Variants in TFEC observed in about 807,000 individuals in gnomAD.
The protein encoded by TFEC is class E basic helix-loop-helix protein 34.
TFEC carries 31 observed loss-of-function variants against 41.6 expected under a neutral mutation model. The observed-to-expected ratio is 0.74, with a 90% CI of 0.56 to 1.01. The LOEUF (loss-of-function observed/expected upper bound fraction) is 1.01. Ranked by LOEUF, TFEC falls within the 50% of genes least tolerant of loss-of-function variation. The pLI, the probability that TFEC is intolerant of heterozygous loss-of-function variation, is 0.00. For missense variants in TFEC, 402 were observed against 404.1 expected (o/e 0.99, Z 0.04); for synonymous variants, 143 against 140.6 (o/e 1.02, Z -0.12).
chr7:115,987,464 A>G (rs939259729), intron 1 of TFEC, among the ~76,000 whole-genome samples: 3 of 152,196 alleles, frequency 2.0e-5, no homozygotes, highest in Admixed American at 1.3e-4. Flanking sequence ...GGGATAAAGT[A>G]AATGAAATTA....
At chr7:116,017,938 A>C (rs1795255514) in intron 1 of TFEC, among the ~76,000 whole-genome samples, 2 of 152,162 alleles carry the variant, frequency 1.3e-5, no homozygotes, top group South Asian at 4.1e-4. Context: ...GCTTTAGGAC[A>C]AGCAATTTGT....
chr7:116,154,696 G>C (rs948060348), intron 1 of TFEC, among the ~76,000 whole-genome samples: 2 of 151,990 alleles, frequency 1.3e-5, no homozygotes, highest in Non-Finnish European at 2.9e-5. Flanking sequence ...TTTCTCCCAG[G>C]TTCTGTTTTA....
intron 4 of TFEC, among the ~76,000 whole-genome samples, chr7:115,956,304 TTTCTC>T (rs1792223586): frequency 6.7e-6 from 1 of 150,242 alleles, no homozygotes; most frequent in Admixed American, 6.6e-5. Flanking sequence ...AATAGACTAA[TTTCTC>T]TAATTTATTA....
chr7:116,105,176 C>CA (rs1282780610), intron 3 of TFEC, among the ~76,000 whole-genome samples: 1 of 151,542 alleles, frequency 6.6e-6, no homozygotes, highest in African/African-American at 2.4e-5. Flanking sequence ...ATGTTTTCTC[C>CA]AAAAAAAATT....
intron 3 of TFEC, among the ~76,000 whole-genome samples, chr7:115,959,549 A>C (rs1792419614): frequency 6.7e-6 from 1 of 150,218 alleles, no homozygotes; most frequent in Non-Finnish European, 1.5e-5. Context: ...TTTGAGGAAA[A>C]TGACTATTTC....
chr7:116,051,541 C>G (rs978119327), intron 3 of TFEC, among the ~76,000 whole-genome samples: 4 of 152,172 alleles, frequency 2.6e-5, no homozygotes, highest in African/African-American at 9.7e-5. Context: ...AAGAATTGTT[C>G]TGCCACAGAA....
chr7:116,114,469 G>A (rs1392649612), intron 1 of TFEC, among the ~76,000 whole-genome samples: 1 of 152,118 alleles, frequency 6.6e-6, no homozygotes, highest in East Asian at 1.9e-4. Flanking sequence ...AATTTGCAAA[G>A]GGCAAGCGTA....
chr7:116,117,883 T>C lies in TFEC; in HGVS notation c.-68-5845A>G, dbSNP rs187294370. The stretch of plus-strand genomic sequence containing the variant: ...CAAGATTCTGTATAGGCAAGAACAT[T>C]GCTCTAAAATATGGTAAATTTCCTT... On this transcript the variant is annotated intron_variant, in intron 1 of 8. Coordinates refer to the TFEC transcript ENST00000484212. Among the ~76,000 whole-genome samples the C allele has an allele frequency of 1.6e-4, 24 of 151,986 alleles. 1 individual carries two copies. In the East Asian group the frequency reaches 4.5e-3, roughly 28 times the overall value.
intron 3 of TFEC, among the ~76,000 whole-genome samples, chr7:116,109,170 C>A (rs1193055773): frequency 6.6e-6 from 1 of 151,866 alleles, no homozygotes; most frequent in African/African-American, 2.4e-5. Flanking sequence ...TGGGCAAGGA[C>A]TTCATGTCTA....
chr7:115,976,896 G>A (rs1024737007), intron 2 of TFEC, among the ~76,000 whole-genome samples: 1 of 152,108 alleles, frequency 6.6e-6, no homozygotes, highest in Non-Finnish European at 1.5e-5. Context: ...TTTTCATGTT[G>A]ACTATAAAGC....
At chr7:116,094,769 T>C (rs898543791) in intron 3 of TFEC, among the ~76,000 whole-genome samples, 1 of 152,138 alleles carries the variant, frequency 6.6e-6, no homozygotes, top group Non-Finnish European at 1.5e-5. Context: ...TTACAGATGG[T>C]CCAACTTACA....
At chr7:116,009,526 T>C (rs767651138) in intron 1 of TFEC, among the ~76,000 whole-genome samples, 2 of 152,102 alleles carry the variant, frequency 1.3e-5, no homozygotes. Flanking sequence ...TCTGGAGATA[T>C]AATGAAACAA....
At chr7:116,046,562 T>G (rs566891380) in intron 3 of TFEC, among the ~76,000 whole-genome samples, 3 of 152,126 alleles carry the variant, frequency 2.0e-5, no homozygotes, top group Non-Finnish European at 2.9e-5. Context: ...TTATCAACAG[T>G]GTGAAAATGA....
intron 3 of TFEC, among the ~76,000 whole-genome samples, chr7:116,063,853 C>T (rs1411522584): frequency 6.6e-6 from 1 of 152,100 alleles, no homozygotes; most frequent in African/African-American, 2.4e-5. Flanking sequence ...CATTGATGGA[C>T]ACTTAGGTTG....
At chr7:116,077,321 C>T (rs949999898) in intron 3 of TFEC, among the ~76,000 whole-genome samples, 24 of 151,974 alleles carry the variant, frequency 1.6e-4, no homozygotes, top group Non-Finnish European at 2.4e-4. Context: ...AAAATAGAAC[C>T]TCCTTAAATC....
At chr7:116,098,323 C>G (rs1367177498) in intron 3 of TFEC, among the ~76,000 whole-genome samples, 1 of 152,038 alleles carries the variant, frequency 6.6e-6, no homozygotes, top group South Asian at 2.1e-4. Flanking sequence ...CCACGCCCAG[C>G]TAATTTTTCT....
intron 1 of TFEC, among the ~76,000 whole-genome samples, chr7:116,027,864 C>T (rs975065289): frequency 3.3e-5 from 5 of 152,150 alleles, no homozygotes; most frequent in African/African-American, 1.2e-4. Flanking sequence ...ACGTCCTAGA[C>T]TCTCCTTTCA....
intron 3 of TFEC, among the ~76,000 whole-genome samples, chr7:116,039,289 A>G (rs900875946): frequency 2.6e-5 from 4 of 152,116 alleles, no homozygotes; most frequent in East Asian, 3.8e-4. Flanking sequence ...CCATTTTACT[A>G]TAAGTACAAA....
At position 115,956,247 on chromosome 7, in the gene TFEC, G is replaced by GA. The variant is rs959502590; in HGVS notation, c.382+431dup. ...TGAAATCCATAAAACAAGCTAAAAA[G>GA]AAAAAAAAATCCAATATTTGTTTTT... On this transcript the variant is annotated intron_variant, in intron 4 of 7. Coordinates refer to ENST00000265440, the MANE Select transcript of TFEC (RefSeq NM_012252.4). Among the ~76,000 whole-genome samples the GA allele has an allele frequency of 1.8e-4, 27 of 149,666 alleles. No individual in the cohort carries two copies. In the East Asian group the frequency reaches 2.2e-3, roughly 12 times the overall value.
Sources: allele counts gnomAD v4.1 joint callset (sites outside exome capture counted in the v4.1 genomes callset), GRCh38; gene constraint gnomAD v4.1.1; transcripts MANE v1.5; gene names NCBI Gene and HGNC (gene_info 2026-07-23, HGNC 2026-07-21).